Variants in DOCK8 observed in about 807,000 individuals in gnomAD.
DOCK8 encodes the protein dedicator of cytokinesis protein 8.
A neutral mutation model predicts 245.6 loss-of-function variants in DOCK8; 141 were observed. That is an observed-to-expected ratio of 0.57 (90% CI 0.50 to 0.66). The LOEUF (loss-of-function observed/expected upper bound fraction) is 0.66, where lower values mean the gene tolerates loss of function less well. Ranked by LOEUF, DOCK8 falls within the 30% of genes least tolerant of loss-of-function variation. The pLI is 0.00. For missense variants in DOCK8, 2,965 were observed against 2,603.4 expected, an observed-to-expected ratio of 1.14 and a Z score of -3.02; for synonymous variants, 1,168 against 970.2, an observed-to-expected ratio of 1.20 and a Z score of -3.79.
intron 2 of DOCK8, among the ~76,000 whole-genome samples, chr9:282,580 A>G (rs903830214): frequency 2.0e-5 from 3 of 147,808 alleles, no homozygotes; most frequent in Admixed American, 2.0e-4. Context: ...CACCACACCC[A>G]TCTAACTTTA....
rs749985781 is a variant in DOCK8, at chr9:372,109, T to A, written c.2008-76T>A. ...TACTCACTGTTTAGTTGCATTTGAT[T>A]ATTGCGAGCTAGATAAATTATCAGA... On this transcript the variant is annotated intron_variant, in intron 17 of 47. Transcript: ENST00000432829. 2.8e-5 allele frequency: 37 copies of A among 1,300,100 alleles called. No individual in the cohort carries two copies. The South Asian group carries it at 4.3e-4, about 15-fold the overall frequency. The allele number at this position is 1,300,100 out of a possible 1,614,324, so 80.5% of individuals were successfully genotyped here. A position where few individuals can be genotyped will look rare whatever the true frequency, so the allele number is the denominator to read the frequency against.
chr9:340,313 T>C lies in DOCK8; in HGVS notation c.1671T>C (p.Thr557=). ...CACGAGAAGTATATGTCCCTCACAC[T>C]GTGTACAGGTAAGAAACACAGGCTC... The part of the protein sequence containing the change: ...FPTREVYVPH[T]VYRNLLYVYP... The change falls in exon 14 of 48, where the codon ACT becomes ACC. Residue 557 remains threonine (T), a synonymous_variant. Transcript: ENST00000432829. 1 of 1,614,078 alleles carries C rather than the reference T, an allele frequency of 6.2e-7. No individual in the cohort carries two copies. Among genetic ancestry groups the C allele is most frequent in the Non-Finnish European group, 8.5e-7 (1 of 1,179,972 alleles).
chr9:220,076 T>TG (rs530858408), intron 1 of DOCK8, among the ~76,000 whole-genome samples: 105 of 152,240 alleles, frequency 6.9e-4, no homozygotes, highest in African/African-American at 2.3e-3. Context: ...TCCTCAGTAG[T>TG]GGGGGTGGCT....
intron 1 of DOCK8, among the ~76,000 whole-genome samples, chr9:255,923 T>G (rs558451295): frequency 2.6e-4 from 40 of 152,294 alleles, no homozygotes; most frequent in African/African-American, 9.6e-4. Context: ...ACCTGCTTGA[T>G]CCGTAATTCA....
At chr9:379,069 G>A (rs1457610824) in intron 20 of DOCK8, among the ~76,000 whole-genome samples, 1 of 152,166 alleles carries the variant, frequency 6.6e-6, no homozygotes, top group African/African-American at 2.4e-5. Context: ...AACAGCATGA[G>A]CAAAGTCTCA....
intron 25 of DOCK8, among the ~76,000 whole-genome samples, chr9:398,600 T>A (rs1005094797): frequency 6.6e-6 from 1 of 152,116 alleles, no homozygotes; most frequent in East Asian, 1.9e-4. Context: ...ATGGAGGAAT[T>A]TACCCTACGG....
intron 4 of DOCK8, among the ~76,000 whole-genome samples, chr9:300,187 C>T (rs979171940): frequency 1.3e-5 from 2 of 152,232 alleles, no homozygotes; most frequent in South Asian, 4.1e-4. Context: ...GTTCTTCCTA[C>T]AGACGTCACT....
At chr9:449,208 G>A (rs762614272) in intron 44 of DOCK8, among the ~76,000 whole-genome samples, 7 of 152,048 alleles carry the variant, frequency 4.6e-5, no homozygotes, top group Non-Finnish European at 1.0e-4. Flanking sequence ...AAATTATCTG[G>A]GTGTGGTGGT....
At chr9:365,486 C>G in intron 14 of DOCK8, 2 of 421,390 alleles carry the variant, frequency 4.7e-6, no homozygotes, top group Non-Finnish European at 9.2e-6. Flanking sequence ...AAAATCATGC[C>G]TTTAGAAGCA....
At chr9:322,588 A>G (rs1384655485) in intron 7 of DOCK8, among the ~76,000 whole-genome samples, 2 of 152,208 alleles carry the variant, frequency 1.3e-5, no homozygotes, top group African/African-American at 4.8e-5. Context: ...GTGTAAAGAG[A>G]CTGATGTGTG....
chr9:423,117 G>A (rs545430783), intron 33 of DOCK8, among the ~76,000 whole-genome samples: 1 of 151,786 alleles, frequency 6.6e-6, no homozygotes, highest in South Asian at 2.1e-4. Context: ...GGTAATTGAT[G>A]TTTTCTCTTT....
At chr9:305,344 A>G (rs545028490) in intron 5 of DOCK8, among the ~76,000 whole-genome samples, 7 of 151,170 alleles carry the variant, frequency 4.6e-5, no homozygotes, top group South Asian at 2.1e-4. Flanking sequence ...CTGCAGTGGC[A>G]CGATCTTGGC....
In DOCK8 at chr9:336,683, A is replaced by T; in HGVS notation, c.1387A>T (p.Thr463Ser). The part of the protein sequence containing the change: ...EENGVGSNFK[T>S]STLSVSSFFK... ...AAATGGGGTTGGATCCAACTTCAAA[A>T]CCTCCACTCTGAGCGTTAGCAGCTT... Residue 463 changes from threonine (T) to serine (S), a missense_variant, in exon 12 of 48, where the codon ACC becomes TCC. Thr to Ser is a moderately conservative substitution (Grantham distance 58). Around this residue, in one of 3 missense-constraint regions of DOCK8, gnomAD observed 2,825 missense variants for 2,453.5 expected, o/e 1.15. Transcript: ENST00000432829. The T allele has an allele frequency of 6.2e-7, 1 of 1,613,790 alleles. No individual in the cohort carries two copies. Among genetic ancestry groups the T allele is most frequent in the Non-Finnish European group, 8.5e-7 (1 of 1,179,954 alleles).
chr9:397,051 C>T, intron 25 of DOCK8, 117 bp downstream of exon 25: 1 of 1,167,328 alleles, frequency 8.6e-7, no homozygotes, highest in South Asian at 1.3e-5. Context: ...ACTGTAATGA[C>T]AGTTAAACGC....
At chr9:411,333 A>T (rs1011674942) in intron 28 of DOCK8, among the ~76,000 whole-genome samples, 2 of 152,136 alleles carry the variant, frequency 1.3e-5, no homozygotes, top group Non-Finnish European at 2.9e-5. Context: ...GAATCATTTG[A>T]GACTGGAAGG....
chr9:361,833 T>C (rs1200329061), intron 14 of DOCK8, among the ~76,000 whole-genome samples: 1 of 152,194 alleles, frequency 6.6e-6, no homozygotes, highest in African/African-American at 2.4e-5. Flanking sequence ...TTTTTCACTT[T>C]CCCACATCAT....
At chr9:216,888 G>C (rs2046768240) in intron 1 of DOCK8, among the ~76,000 whole-genome samples, 1 of 152,106 alleles carries the variant, frequency 6.6e-6, no homozygotes, top group South Asian at 2.1e-4. Context: ...TAAGAATAAA[G>C]GCCCTGGTTA....
intron 2 of DOCK8, among the ~76,000 whole-genome samples, chr9:282,884 T>C (rs2048651781): frequency 6.6e-6 from 1 of 152,200 alleles, no homozygotes. Context: ...TATATTTCCA[T>C]TGCCTCTCCT....
intron 42 of DOCK8, 35 bp downstream of exon 42, chr9:442,044 C>T: frequency 6.2e-7 from 1 of 1,612,624 alleles, no homozygotes; most frequent in Non-Finnish European, 8.5e-7. Context: ...TGACCTGGTA[C>T]ACTTTACAAA....
Sources: allele counts gnomAD v4.1 joint callset (sites outside exome capture counted in the v4.1 genomes callset), GRCh38; gene constraint gnomAD v4.1.1; regional missense constraint gnomAD v4.1.1; transcripts MANE v1.5; gene names NCBI Gene and HGNC (gene_info 2026-07-23, HGNC 2026-07-21).